Variants in RGSL1 observed in about 807,000 individuals in gnomAD.
The protein encoded by RGSL1 is regulator of G protein signaling like 1, also known as regulator of G protein signaling protein-like.
In RGSL1, 97 loss-of-function variants were observed where a neutral mutation model predicts 124.7. The ratio of observed to expected loss-of-function variants is 0.78; its 90% CI spans 0.66 to 0.92. RGSL1 has a LOEUF of 0.92. Among genes scored for constraint, RGSL1 ranks in the 40% least tolerant of loss-of-function variants. The probability of loss-of-function intolerance (pLI) is 0.00; values close to 1 mark genes in which losing one functional copy is unlikely to be tolerated. For missense variants in RGSL1, 1,233 were observed against 1,288.4 expected, an observed-to-expected ratio of 0.96 and a Z score of 0.66; for synonymous variants, 424 against 438.1, an observed-to-expected ratio of 0.97 and a Z score of 0.40.
intron 2 of RGSL1, among the ~76,000 whole-genome samples, chr1:182,456,821 A>G (rs1652369604): frequency 6.6e-6 from 1 of 152,166 alleles, no homozygotes; most frequent in South Asian, 2.1e-4. Context: ...TAATTCCCAT[A>G]GTCACCGTGT....
At chr1:182,491,416 T>C (rs910289780) in intron 8 of RGSL1, among the ~76,000 whole-genome samples, 9 of 152,044 alleles carry the variant, frequency 5.9e-5, no homozygotes, top group African/African-American at 1.7e-4. Context: ...GGTTTCACTA[T>C]GTTGGCCAGG....
intron 3 of RGSL1, among the ~76,000 whole-genome samples, chr1:182,459,497 C>A (rs1011810716): frequency 6.6e-6 from 1 of 152,138 alleles, no homozygotes; most frequent in Admixed American, 6.6e-5. Context: ...AAAAAAATTA[C>A]CTCCTTTCTC....
At chr1:182,556,355 T>C in intron 21 of RGSL1, 133 bp downstream of exon 21, 1 of 347,302 alleles carries the variant, frequency 2.9e-6, no homozygotes, top group East Asian at 4.9e-5. Context: ...TGTTAAAGAA[T>C]CCCATGACAA....
At chr1:182,478,135 T>G (rs1258348980) in intron 6 of RGSL1, among the ~76,000 whole-genome samples, 2 of 152,168 alleles carry the variant, frequency 1.3e-5, no homozygotes, top group African/African-American at 4.8e-5. Flanking sequence ...CAGGCTGGAA[T>G]GGAGTGGCAT....
At chr1:182,489,480 G>T (rs1231220180) in intron 8 of RGSL1, among the ~76,000 whole-genome samples, 10 of 152,184 alleles carry the variant, frequency 6.6e-5, no homozygotes. Flanking sequence ...GTGCTCAAGT[G>T]TAGCTAGACT....
At chr1:182,487,612 A>C (rs1273867471) in intron 6 of RGSL1, among the ~76,000 whole-genome samples, 2 of 152,238 alleles carry the variant, frequency 1.3e-5, no homozygotes, top group African/African-American at 4.8e-5. Flanking sequence ...TGACTGAATC[A>C]GAAGCTTTGT....
At chr1:182,481,703 C>T (rs1654719977) in intron 6 of RGSL1, among the ~76,000 whole-genome samples, 1 of 152,062 alleles carries the variant, frequency 6.6e-6, no homozygotes, top group Non-Finnish European at 1.5e-5. Context: ...ACGAGCATGG[C>T]CAGGTGCAGT....
intron 4 of RGSL1, chr1:182,460,825 T>C (rs1372097786): frequency 4.7e-6 from 2 of 426,964 alleles, no homozygotes; most frequent in African/African-American, 2.0e-5. Flanking sequence ...AGACAGTAAA[T>C]TGTAGTTGAT....
At chr1:182,509,823 C>T (rs1470629706) in intron 9 of RGSL1, among the ~76,000 whole-genome samples, 2 of 136,726 alleles carry the variant, frequency 1.5e-5, no homozygotes, top group South Asian at 2.4e-4. Context: ...GGCTGACCCC[C>T]CCCCACCTCC....
chr1:182,521,374 A>C (rs1375085013), intron 9 of RGSL1, among the ~76,000 whole-genome samples: 2 of 152,190 alleles, frequency 1.3e-5, no homozygotes, highest in African/African-American at 2.4e-5. Flanking sequence ...CCCAGGCAAT[A>C]ATGATATTTT....
chr1:182,515,085 C>T (rs1043246959), intron 9 of RGSL1, among the ~76,000 whole-genome samples: 3 of 152,206 alleles, frequency 2.0e-5, no homozygotes, highest in African/African-American at 7.2e-5. Flanking sequence ...ATCCCCGAGT[C>T]CCAGCAACCA....
intron 12 of RGSL1, 74 bp downstream of exon 12, chr1:182,530,435 G>T: frequency 1.7e-6 from 2 of 1,164,722 alleles, no homozygotes; most frequent in Non-Finnish European, 2.4e-6. Context: ...ATGCATCAAG[G>T]GTTTCCTAAT....
At chr1:182,459,478 T>C (rs1307215100) in intron 3 of RGSL1, among the ~76,000 whole-genome samples, 1 of 152,186 alleles carries the variant, frequency 6.6e-6, no homozygotes, top group Non-Finnish European at 1.5e-5. Context: ...AGGATAACCC[T>C]GAAAGCTGAA....
At chr1:182,472,952 A>C (rs1436603793) in intron 5 of RGSL1, among the ~76,000 whole-genome samples, 1 of 152,202 alleles carries the variant, frequency 6.6e-6, no homozygotes, top group Non-Finnish European at 1.5e-5. Context: ...GACCGTTTTT[A>C]CATTTTCATA....
In RGSL1 at chr1:182,522,240, G is replaced by C. The variant is rs1040451728; in HGVS notation, c.1931+131G>C. The C allele has an allele frequency of 1.2e-5, 8 of 657,024 alleles. No homozygotes were observed. In the African/African-American group the frequency reaches 1.3e-4, roughly 11 times the overall value. The allele number at this position is 657,024 out of a possible 1,614,324, so 40.7% of individuals were successfully genotyped here. A position where few individuals can be genotyped will look rare whatever the true frequency, so the allele number is the denominator to read the frequency against. On this transcript the variant is annotated intron_variant, in intron 10 of 21. Transcript: ENST00000294854. Reference sequence around the variant, plus strand: ...CCTTTTCCATATACAATACATACAGGTACAGACACTCTTAGTATTTTAAAT... The same window carrying C: ...CCTTTTCCATATACAATACATACAGCTACAGACACTCTTAGTATTTTAAAT...
chr1:182,474,086 G>A lies in RGSL1; in HGVS notation c.975G>A (p.Lys325=). 1 of 1,551,768 alleles carries A rather than the reference G, an allele frequency of 6.4e-7. No homozygotes were observed. Among genetic ancestry groups the A allele is most frequent in the Admixed American group, 2.0e-5 (1 of 50,994 alleles). The change falls in exon 6 of 22, where the codon AAG becomes AAA. Residue 325 remains lysine (K), a synonymous_variant. Coordinates refer to ENST00000294854, the MANE Select transcript of RGSL1 (RefSeq NM_001137669.2). ...AKISSMENKA[K]SHLHMEAPFE... ...TATCCAGCATGGAGAATAAAGCCAA[G>A]AGCCACCTCCACATGGAAGCCCCCT...
intron 1 of RGSL1, among the ~76,000 whole-genome samples, chr1:182,452,813 A>ACC: frequency 6.6e-6 from 1 of 152,108 alleles, no homozygotes; most frequent in South Asian, 2.1e-4. Context: ...CATCAGGAAA[A>ACC]ATGATTGTTT....
chr1:182,533,494 C>T (rs1440984797), intron 14 of RGSL1, among the ~76,000 whole-genome samples: 1 of 142,826 alleles, frequency 7.0e-6, no homozygotes. Context: ...GATGGAGATA[C>T]AGTAGTGAAC....
chr1:182,481,487 C>G (rs141257141), intron 6 of RGSL1, among the ~76,000 whole-genome samples: 1 of 152,108 alleles, frequency 6.6e-6, no homozygotes, highest in South Asian at 2.1e-4. Flanking sequence ...GACAAGATGG[C>G]GTCACTGGTG....
Sources: gnomAD v4.1 joint callset for allele counts (sites outside exome capture counted in the v4.1 genomes callset) on GRCh38, gnomAD v4.1.1 for gene constraint, MANE v1.5 for transcripts, NCBI Gene and HGNC (gene_info 2026-07-23, HGNC 2026-07-21) for gene names.